B3GALT1: variants seen among roughly 807,000 people sequenced by gnomAD.
B3GALT1 encodes the protein UDP-Gal:betaGlcNAc beta 1,3-galactosyltransferase, polypeptide 1.
A neutral mutation model predicts 23.2 loss-of-function variants in B3GALT1; 10 were observed. That is an observed-to-expected ratio of 0.43 (90% CI 0.27 to 0.73). The LOEUF (loss-of-function observed/expected upper bound fraction) is 0.73, where lower values mean the gene tolerates loss of function less well. B3GALT1 is among the 30% of genes least tolerant of loss of function. The pLI is 0.21. For synonymous variants in B3GALT1, 156 were observed against 141.5 expected, an observed-to-expected ratio of 1.10 and a Z score of -0.73; for missense variants, 299 against 405.4, an observed-to-expected ratio of 0.74 and a Z score of 2.25.
intron 2 of B3GALT1, among the ~76,000 whole-genome samples, chr2:167,512,379 A>T: frequency 6.6e-6 from 1 of 150,984 alleles, no homozygotes; most frequent in South Asian, 2.1e-4. Context: ...CTATAAATAT[A>T]ATAAAATGTA....
At chr2:167,736,323 C>A (rs1169327462) in intron 3 of B3GALT1, among the ~76,000 whole-genome samples, 1 of 152,032 alleles carries the variant, frequency 6.6e-6, no homozygotes, top group Non-Finnish European at 1.5e-5. Flanking sequence ...CAGTGTAGCC[C>A]AAATACTGAA....
chr2:167,327,691 C>T (rs186110369), intron 1 of B3GALT1, among the ~76,000 whole-genome samples: 150 of 151,718 alleles, frequency 9.9e-4, no homozygotes, highest in African/African-American at 3.4e-3. Flanking sequence ...ACTTCCTGTT[C>T]TCCCATGTGG....
intron 2 of B3GALT1, among the ~76,000 whole-genome samples, chr2:167,503,113 T>G (rs528940832): frequency 1.3e-5 from 2 of 152,222 alleles, no homozygotes; most frequent in South Asian, 4.1e-4. Context: ...ATTCAAACTG[T>G]ATTATTACTT....
At chr2:167,793,716 AC>A (rs1221997690) in intron 3 of B3GALT1, among the ~76,000 whole-genome samples, 1 of 152,142 alleles carries the variant, frequency 6.6e-6, no homozygotes, top group African/African-American at 2.4e-5. Context: ...ATTTTTAGAA[AC>A]AAAAAATTCA....
chr2:167,796,991 G>A (rs899534904), intron 3 of B3GALT1, among the ~76,000 whole-genome samples: 2 of 152,022 alleles, frequency 1.3e-5, no homozygotes, highest in Non-Finnish European at 2.9e-5. Context: ...TTTATTTTCA[G>A]TTTTAAGGTA....
chr2:167,805,660 G>GT (rs1319362104), intron 3 of B3GALT1, among the ~76,000 whole-genome samples: 2 of 152,128 alleles, frequency 1.3e-5, no homozygotes, highest in East Asian at 3.8e-4. Flanking sequence ...TTATTTCTGA[G>GT]GGCTCTGTTC....
chr2:167,822,979 G>A (rs1052164972), intron 4 of B3GALT1, among the ~76,000 whole-genome samples: 11 of 152,150 alleles, frequency 7.2e-5, no homozygotes, highest in African/African-American at 2.7e-4. Context: ...AGTTGGGCAT[G>A]GCCACATAAT....
At chr2:167,441,852 A>G (rs1198654308) in intron 1 of B3GALT1, among the ~76,000 whole-genome samples, 1 of 150,120 alleles carries the variant, frequency 6.7e-6, no homozygotes, top group African/African-American at 2.5e-5. Flanking sequence ...GCATAGCAAG[A>G]TCCCATGTTT....
At chr2:167,544,942 A>C (rs1407009457) in intron 2 of B3GALT1, among the ~76,000 whole-genome samples, 1 of 151,782 alleles carries the variant, frequency 6.6e-6, no homozygotes, top group African/African-American at 2.4e-5. Flanking sequence ...AAGATTTATA[A>C]AAGCGAAAGT....
At chr2:167,489,146 C>T (rs1432013570) in intron 1 of B3GALT1, among the ~76,000 whole-genome samples, 3 of 152,064 alleles carry the variant, frequency 2.0e-5, no homozygotes, top group African/African-American at 7.2e-5. Context: ...ATAGGCAGAT[C>T]ATTTGATAAG....
At position 167,384,078 on chromosome 2, in the gene B3GALT1, A is replaced by C. The variant is rs562512933; in HGVS notation, c.-511+90744A>C. On this transcript the variant is annotated intron_variant, in intron 1 of 4. Transcript: ENST00000392690. ...AGTTACTTCAGTAACCAGCGATTTG[A>C]ACTAAAGCAAGCCTTTCCATTTTAG... 6.5e-4 allele frequency among the ~76,000 whole-genome samples: 99 copies of C among 152,342 alleles called. No homozygotes were observed. In the South Asian group the frequency reaches 0.019, roughly 29 times the overall value.
chr2:167,380,509 C>G (rs1248918395), intron 1 of B3GALT1, among the ~76,000 whole-genome samples: 1 of 152,080 alleles, frequency 6.6e-6, no homozygotes, highest in East Asian at 1.9e-4. Context: ...CTATTCCACT[C>G]CAGAGAAGGC....
chr2:167,379,839 C>T (rs1697820574), intron 1 of B3GALT1, among the ~76,000 whole-genome samples: 1 of 152,222 alleles, frequency 6.6e-6, no homozygotes, highest in African/African-American at 2.4e-5. Flanking sequence ...AGGAAATCAC[C>T]TTGTCTTCAA....
chr2:167,339,027 A>G (rs1697105239), intron 1 of B3GALT1, among the ~76,000 whole-genome samples: 1 of 152,174 alleles, frequency 6.6e-6, no homozygotes, highest in Admixed American at 6.5e-5. Flanking sequence ...TGACATTTAA[A>G]TTAGAATTAT....
intron 2 of B3GALT1, among the ~76,000 whole-genome samples, chr2:167,602,956 A>G (rs766041203): frequency 1.3e-5 from 2 of 152,182 alleles, no homozygotes; most frequent in Non-Finnish European, 2.9e-5. Context: ...TTGGCCCTGC[A>G]CTACATCCAC....
intron 2 of B3GALT1, among the ~76,000 whole-genome samples, chr2:167,586,579 G>A (rs1684588765): frequency 6.6e-6 from 1 of 152,212 alleles, no homozygotes; most frequent in African/African-American, 2.4e-5. Flanking sequence ...GATTACAGGT[G>A]TGAGCTACCA....
intron 1 of B3GALT1, among the ~76,000 whole-genome samples, chr2:167,319,521 T>C (rs980872045): frequency 6.6e-6 from 1 of 151,900 alleles, no homozygotes; most frequent in Non-Finnish European, 1.5e-5. Context: ...AGAGAGAAAA[T>C]AGAACAGTGT....
At chr2:167,327,050 G>A (rs1696907400) in intron 1 of B3GALT1, among the ~76,000 whole-genome samples, 1 of 152,052 alleles carries the variant, frequency 6.6e-6, no homozygotes, top group African/African-American at 2.4e-5. Flanking sequence ...CAGGTTTGTT[G>A]AAGATCGGTT....
In B3GALT1 at chr2:167,674,926, A is replaced by G. The variant is rs115945730; in HGVS notation, c.-352+27960A>G. Among the ~76,000 whole-genome samples the G allele has an allele frequency of 8.8e-3, 1,341 of 152,310 alleles. 15 individuals are homozygous for G. Among genetic ancestry groups the G allele is most frequent in the African/African-American group, 0.031 (1,278 of 41,556 alleles). Reference sequence around the variant, plus strand: ...ATACAAAAAGGCAAAACTGTAATATATCACCTTCTGAAATTATTTTTGACT... The same window carrying G: ...ATACAAAAAGGCAAAACTGTAATATGTCACCTTCTGAAATTATTTTTGACT... On this transcript the variant is annotated intron_variant, in intron 3 of 4. Transcript: ENST00000392690.
Sources: gnomAD v4.1 joint callset for allele counts (sites outside exome capture counted in the v4.1 genomes callset) on GRCh38, gnomAD v4.1.1 for gene constraint, MANE v1.5 for transcripts, NCBI Gene and HGNC (gene_info 2026-07-23, HGNC 2026-07-21) for gene names.